DST: variants seen among roughly 807,000 people sequenced by gnomAD.
DST encodes dystonin.
In DST, 253 loss-of-function variants were observed where a neutral mutation model predicts 875.2. The observed-to-expected ratio is 0.29, with a 90% CI of 0.26 to 0.32. DST has a LOEUF of 0.32. Among genes scored for constraint, DST ranks in the 10% least tolerant of loss-of-function variants. DST has a pLI of 1.00. For synonymous variants in DST, 3,124 were observed against 3,197.1 expected, an observed-to-expected ratio of 0.98 and a Z score of 0.77; for missense variants, 8,287 against 9,111.6, an observed-to-expected ratio of 0.91 and a Z score of 3.68.
Position 56,493,061 on chromosome 6 carries a change from G to A in DST, c.20423C>T (p.Ala6808Val). ...KTKLEEALNL[A>V]MEFHNSLQDF... ...TTGGAGAGAATTGTGGAACTCCATTGCCAAGTTGAGAGCCTCTTCCAGTTT... is the reference window on the plus strand; with the variant it reads ...TTGGAGAGAATTGTGGAACTCCATTACCAAGTTGAGAGCCTCTTCCAGTTT... Residue 6808 changes from alanine to valine, a missense_variant, in exon 84 of 104, where the codon GCA (alanine) becomes GTA (valine). Transcript: ENST00000680361. 6.2e-7 allele frequency: 1 copy of A among 1,611,922 alleles called. No individual in the cohort carries two copies. Among genetic ancestry groups the A allele is most frequent in the Non-Finnish European group, 8.5e-7 (1 of 1,178,912 alleles).
rs762981919 is a variant in DST at position 56,489,481 on chromosome 6, T to C, written c.20877+9A>G. 7 of 1,608,370 alleles carry C rather than the reference T, an allele frequency of 4.4e-6. No homozygotes were observed. Among genetic ancestry groups the C allele is most frequent in the Non-Finnish European group, 3.4e-6 (4 of 1,177,760 alleles). On this transcript the variant is annotated intron_variant, in intron 86 of 103. Transcript: ENST00000680361. ...TGAGACAATATGCTCTTCTTAATTATGGACCCACCTTATGTTGTGCAAGTT... is the reference window on the plus strand; with the variant it reads ...TGAGACAATATGCTCTTCTTAATTACGGACCCACCTTATGTTGTGCAAGTT...
intron 3 of DST, among the ~76,000 whole-genome samples, chr6:56,885,449 G>A (rs538097152): frequency 1.3e-5 from 2 of 151,808 alleles, no homozygotes; most frequent in African/African-American, 2.4e-5. Context: ...AGTGCACAAG[G>A]GTATATAAAC....
At chr6:56,578,547 A>G (rs1246276948) in intron 50 of DST, among the ~76,000 whole-genome samples, 1 of 152,182 alleles carries the variant, frequency 6.6e-6, no homozygotes, top group East Asian at 1.9e-4. Context: ...TGTGGTGGAC[A>G]TTACATAGCG....
At chr6:56,779,866 C>A (rs2099688691) in intron 4 of DST, among the ~76,000 whole-genome samples, 1 of 98,692 alleles carries the variant, frequency 1.0e-5, no homozygotes, top group African/African-American at 3.9e-5. Flanking sequence ...CTAATGCTAT[C>A]CCTCCCCCCT....
chr6:56,706,770 G>A (rs1416682854), intron 5 of DST, among the ~76,000 whole-genome samples: 1 of 152,160 alleles, frequency 6.6e-6, no homozygotes, highest in African/African-American at 2.4e-5. Context: ...GGAGGCCAAG[G>A]TGGGCGGATC....
In DST at chr6:56,463,064, A is replaced by C. The variant is rs1432034088; in HGVS notation, c.23052T>G (p.Phe7684Leu). 4 of 1,611,508 alleles carry C rather than the reference A, an allele frequency of 2.5e-6. No individual in the cohort carries two copies. Among genetic ancestry groups the C allele is most frequent in the Non-Finnish European group, 3.4e-6 (4 of 1,178,268 alleles). The change falls in exon 102 of 104, where the codon TTT (phenylalanine) becomes TTG (leucine). Residue 7684 changes from phenylalanine (F) to leucine (L), a missense_variant. Phe to Leu is a conservative substitution (Grantham distance 22). Around this residue, in one of 10 missense-constraint regions of DST, gnomAD observed 240 missense variants for 237.3 expected, o/e 1.01. Transcript: ENST00000680361. ...TPCKAAECSD[F>L]PVPSAEGTPI... is the part of the protein sequence containing the mutation. ...ACAATACCTCTGCAGATGGCACGGG[A>C]AAGTCTGAGCACTCTGCTGCTTTAC...
At chr6:56,489,466 T>C in intron 86 of DST, 24 bp downstream of exon 86, 2 of 1,603,366 alleles carry the variant, frequency 1.2e-6, no homozygotes, top group Non-Finnish European at 1.7e-6. Context: ...TGAGACAATA[T>C]GCTCTTCTTA....
rs1824237398 is a variant in DST at position 56,954,490 on chromosome 6, A to G, written c.98T>C (p.Val33Ala). The G allele has an allele frequency of 1.5e-6, 2 of 1,367,396 alleles. No homozygotes were observed. Among genetic ancestry groups the G allele is most frequent in the Non-Finnish European group, 2.0e-6 (2 of 1,021,808 alleles). The allele number at this position is 1,367,396 out of a possible 1,614,324, so 84.7% of individuals were successfully genotyped here. ...LLLLGTIATIVFFCCWHRKLQ... is the reference protein window; with the variant it reads ...LLLLGTIATIAFFCCWHRKLQ... ...CTTGCGGTGCCAGCAGCAGAAGAAG[A>G]CGATGGTGGCGATGGTGCCCAGCAG... Residue 33 changes from valine (V) to alanine (A), a missense_variant, in exon 1 of 104, where the codon GTC becomes GCC. Physicochemically the swap from Val to Ala is moderately conservative, Grantham distance 64. This residue lies in a region of DST where 1,160 missense variants were observed against 1,424.3 expected (regional missense o/e 0.81). Coordinates refer to ENST00000680361, the MANE Select transcript of DST (RefSeq NM_001374736.1).
In DST at chr6:56,694,998, G is replaced by A. The variant is rs144743926; in HGVS notation, c.1047+4655C>T. Among the ~76,000 whole-genome samples, 625 of 151,828 alleles carry A rather than the reference G, an allele frequency of 4.1e-3. 1 individual carries two copies. Among genetic ancestry groups the A allele is most frequent in the African/African-American group, 0.014 (594 of 41,352 alleles). On this transcript the variant is annotated intron_variant, in intron 9 of 103. Coordinates refer to ENST00000680361, the MANE Select transcript of DST (RefSeq NM_001374736.1). ...AAAAATTAGCCAGATGTGGTGATGCGTGCCCATAATCCCAGCTACTTGGGA... is the reference window on the plus strand; with the variant it reads ...AAAAATTAGCCAGATGTGGTGATGCATGCCCATAATCCCAGCTACTTGGGA...
intron 69 of DST, among the ~76,000 whole-genome samples, chr6:56,525,944 C>G (rs1486343076): frequency 6.6e-6 from 1 of 152,222 alleles, no homozygotes; most frequent in Non-Finnish European, 1.5e-5. Context: ...AAAACATTCT[C>G]TTTGCCCCAG....
chr6:56,588,056 T>A (rs2098196305), intron 49 of DST, among the ~76,000 whole-genome samples: 2 of 151,772 alleles, frequency 1.3e-5, no homozygotes, highest in Admixed American at 6.6e-5. Flanking sequence ...AATTCACACA[T>A]AACAATATTA....
chr6:56,824,534 C>T (rs1192188560), intron 4 of DST, among the ~76,000 whole-genome samples: 4 of 152,030 alleles, frequency 2.6e-5, no homozygotes, highest in African/African-American at 4.8e-5. Context: ...CGTCTCTGCC[C>T]GGCCACCATC....
chr6:56,925,777 C>T (rs755574739), intron 2 of DST, among the ~76,000 whole-genome samples: 4 of 152,220 alleles, frequency 2.6e-5, no homozygotes, highest in Non-Finnish European at 5.9e-5. Flanking sequence ...ATTTAATCCT[C>T]TGCTTTCAGG....
At chr6:56,807,085 C>T (rs1289427151) in intron 4 of DST, among the ~76,000 whole-genome samples, 1 of 152,280 alleles carries the variant, frequency 6.6e-6, no homozygotes, top group African/African-American at 2.4e-5. Context: ...GGGTCTCGCT[C>T]TGTCCCCCAG....
intron 37 of DST, among the ~76,000 whole-genome samples, chr6:56,613,038 T>C (rs1284667848): frequency 6.6e-6 from 1 of 151,916 alleles, no homozygotes; most frequent in Non-Finnish European, 1.5e-5. Context: ...CAAAAATATA[T>C]ATATATACAC....
rs763083430 is a variant in DST, at chr6:56,606,308, T to G, written c.8320A>C (p.Thr2774Pro). Reference sequence around the variant, plus strand: ...GTATCGGAGTGAAATTCCTGTCCAGTTACATACTCTTCCTTTCTTCCTCTC... The same window carrying G: ...GTATCGGAGTGAAATTCCTGTCCAGGTACATACTCTTCCTTTCTTCCTCTC... Reference protein sequence around the residue: ...SWRGRKEEYVTGQEFHSDTDH... With the variant: ...SWRGRKEEYVPGQEFHSDTDH... Residue 2774 changes from threonine to proline, a missense_variant, in exon 40 of 104, where the codon ACT (threonine) becomes CCT (proline). By Grantham distance (38) the Thr-to-Pro change is conservative (BLOSUM62 -1). This residue lies in a region of DST where 3,138 missense variants were observed against 3,116.6 expected (regional missense o/e 1.01). Coordinates refer to ENST00000680361, the MANE Select transcript of DST (RefSeq NM_001374736.1). 13 of 1,605,892 alleles carry G rather than the reference T, an allele frequency of 8.1e-6. No homozygotes were observed. The Admixed American group carries it at 1.2e-4, about 15-fold the overall frequency.
In DST at chr6:56,714,787, T is replaced by C. The variant is rs544630391; in HGVS notation, c.688-10418A>G. ...ACATTCTAAAACCTCTGCTGTGATA[T>C]TTCTCTATTGATAACTCCTCCTCTA... On this transcript the variant is annotated intron_variant, in intron 5 of 103. Transcript: ENST00000680361. This position sits in a 1 kb window ranked among gnomAD's most constrained non-coding sequence, Gnocchi z 4.5. 2.2e-4 allele frequency among the ~76,000 whole-genome samples: 34 copies of C among 152,338 alleles called. No individual in the cohort carries two copies. The highest frequency in any genetic ancestry group is 8.2e-4 in the African/African-American group (34 of 41,584).
rs1420639897 is a variant in DST, at chr6:56,532,518, C to G, written c.16942-8G>C. 1 of 1,567,794 alleles carries G rather than the reference C, an allele frequency of 6.4e-7. No homozygotes were observed. The highest frequency in any genetic ancestry group is 1.2e-5 in the South Asian group (1 of 84,042). On this transcript the variant is annotated splice_polypyrimidine_tract_variant and splice_region_variant and intron_variant, in intron 63 of 103. Transcript: ENST00000680361. ...CAACAATCTCTGGAGAAGCTTGAGA[C>G]AAAACATTAAATATAAAAAAGCAAG...
chr6:56,688,169 C>T (rs2099201438), intron 9 of DST, among the ~76,000 whole-genome samples: 1 of 152,020 alleles, frequency 6.6e-6, no homozygotes, highest in Non-Finnish European at 1.5e-5. Flanking sequence ...TAGAAATAGT[C>T]AAGAGAAATC....
Sources: allele counts gnomAD v4.1 joint callset (sites outside exome capture counted in the v4.1 genomes callset), GRCh38; gene constraint gnomAD v4.1.1; regional missense constraint gnomAD v4.1.1; non-coding constraint Gnocchi (gnomAD v3.1); transcripts MANE v1.5; gene names NCBI Gene and HGNC (gene_info 2026-07-23, HGNC 2026-07-21).